C2CD5: variants seen among roughly 807,000 people sequenced by gnomAD.
C2CD5 encodes the protein C2 domain-containing protein 5.
C2CD5 carries 109 observed loss-of-function variants against 130.3 expected under a neutral mutation model. That is an observed-to-expected ratio of 0.84 (90% confidence interval 0.72 to 0.98). The LOEUF is 0.98. Among genes scored for constraint, C2CD5 ranks in the 50% least tolerant of loss-of-function variants. The probability of loss-of-function intolerance (pLI) is 0.00; values close to 1 mark genes in which losing one functional copy is unlikely to be tolerated. For synonymous variants in C2CD5, 454 were observed against 429.2 expected, an observed-to-expected ratio of 1.06 and a Z score of -0.71; for missense variants, 996 against 1,261.8, an observed-to-expected ratio of 0.79 and a Z score of 3.19.
intron 4 of C2CD5, 74 bp downstream of exon 4, chr12:22,527,647 T>A (rs879010973): frequency 1.1e-6 from 1 of 901,458 alleles, no homozygotes; most frequent in Non-Finnish European, 1.6e-6. Context: ...CCAGCAAATA[T>A]AGCACAAATG....
chr12:22,454,594 A>C, intron 25 of C2CD5, among the ~76,000 whole-genome samples: 1 of 150,242 alleles, frequency 6.7e-6, no homozygotes, highest in African/African-American at 2.5e-5. Context: ...TTCAGAGAAC[A>C]ACTCATTCAC....
chr12:22,505,689 A>G lies in C2CD5; in HGVS notation c.1147+1022T>C, dbSNP rs544999982. ...TTCATCATGCTTATTTTAGACGTAGAAAAATCACCAGAGGATTTCTGATCA... is the reference window on the plus strand; with the variant it reads ...TTCATCATGCTTATTTTAGACGTAGGAAAATCACCAGAGGATTTCTGATCA... On this transcript the variant is annotated intron_variant, in intron 10 of 26. Coordinates refer to ENST00000446597, the MANE Select transcript of C2CD5 (RefSeq NM_001286176.2). Among the ~76,000 whole-genome samples the G allele has an allele frequency of 4.0e-4, 61 of 152,328 alleles. 1 individual carries two copies. In the South Asian group the frequency reaches 0.01, roughly 25 times the overall value.
chr12:22,488,159 C>T lies in C2CD5; in HGVS notation c.1358+1964G>A, dbSNP rs138251920. ...GGTATACATATGTAACAAACCTGCA[C>T]GTTGTGCACATGTACCCTAAAACTT... On this transcript the variant is annotated intron_variant, in intron 12 of 26. Transcript: ENST00000446597. Among the ~76,000 whole-genome samples the T allele has an allele frequency of 9.2e-3, 1,398 of 151,784 alleles. 10 individuals are homozygous for T. The highest frequency in any genetic ancestry group is 0.013 in the Non-Finnish European group (880 of 67,934).
chr12:22,524,966 T>A (rs1950600196), intron 5 of C2CD5, among the ~76,000 whole-genome samples: 1 of 151,886 alleles, frequency 6.6e-6, no homozygotes, highest in African/African-American at 2.4e-5. Context: ...AATTATTATA[T>A]AAATAGGTAG....
rs189451736 is a variant in C2CD5, at chr12:22,512,791, T to C, written c.1038+503A>G. On this transcript the variant is annotated intron_variant, in intron 9 of 26. Transcript: ENST00000446597. ...ATATAGCTAAATCTCAAACTTACAA[T>C]AACTGAAATAGATGCATTATACTGA... 9.6e-5 allele frequency: 64 copies of C among 668,722 alleles called. No homozygotes were observed. The East Asian group carries it at 1.8e-3, about 19-fold the overall frequency. The allele number at this position is 668,722 out of a possible 1,614,324, so 41.4% of individuals were successfully genotyped here.
At chr12:22,509,669 A>G (rs1025249707) in intron 9 of C2CD5, among the ~76,000 whole-genome samples, 1 of 152,190 alleles carries the variant, frequency 6.6e-6, no homozygotes, top group Non-Finnish European at 1.5e-5. Flanking sequence ...CACCACCATA[A>G]CTAGCAACTA....
intron 13 of C2CD5, among the ~76,000 whole-genome samples, chr12:22,483,998 TG>T (rs1296118219): frequency 6.6e-6 from 1 of 152,060 alleles, no homozygotes; most frequent in African/African-American, 2.4e-5. Flanking sequence ...CTATATAAGT[TG>T]ATGAGTTCAA....
intron 7 of C2CD5, chr12:22,519,110 C>T (rs1358579809): frequency 3.9e-6 from 6 of 1,534,442 alleles, no homozygotes; most frequent in African/African-American, 1.4e-5. Context: ...TGAGCAGTCT[C>T]GTACCAGTAT....
At chr12:22,466,332 A>T (rs1942069844) in intron 22 of C2CD5, among the ~76,000 whole-genome samples, 1 of 151,980 alleles carries the variant, frequency 6.6e-6, no homozygotes, top group South Asian at 2.1e-4. Context: ...CACCTTATTT[A>T]ACTTAACAAA....
At chr12:22,540,651 G>A (rs1285014877) in intron 2 of C2CD5, among the ~76,000 whole-genome samples, 1 of 152,202 alleles carries the variant, frequency 6.6e-6, no homozygotes, top group African/African-American at 2.4e-5. Context: ...CTGAGGTCAG[G>A]AGTTCAAGAC....
chr12:22,455,495 C>T (rs2135978475), intron 25 of C2CD5, among the ~76,000 whole-genome samples: 1 of 152,214 alleles, frequency 6.6e-6, no homozygotes, highest in East Asian at 1.9e-4. Context: ...AGTGTAATAT[C>T]CATGTGCTAC....
intron 12 of C2CD5, among the ~76,000 whole-genome samples, 180 bp downstream of exon 12, chr12:22,489,943 G>T (rs961248519): frequency 2.0e-5 from 3 of 152,116 alleles, no homozygotes; most frequent in Admixed American, 1.3e-4. Flanking sequence ...ATATAGTGCA[G>T]AATCCAATAC....
At chr12:22,540,183 C>T (rs1952221966) in intron 2 of C2CD5, among the ~76,000 whole-genome samples, 1 of 152,182 alleles carries the variant, frequency 6.6e-6, no homozygotes, top group African/African-American at 2.4e-5. Context: ...CAATGAAGAT[C>T]TGAGATGCCA....
At chr12:22,521,295 T>C (rs1400569830) in intron 7 of C2CD5, among the ~76,000 whole-genome samples, 1 of 152,196 alleles carries the variant, frequency 6.6e-6, no homozygotes, top group Non-Finnish European at 1.5e-5. Flanking sequence ...TAAGATGCCT[T>C]TTAGAAAATC....
intron 2 of C2CD5, 33 bp from the exon 3 acceptor site, chr12:22,535,377 A>C (rs752263311): frequency 5.3e-6 from 6 of 1,133,054 alleles, no homozygotes; most frequent in South Asian, 5.1e-5. Flanking sequence ...TCACATATGA[A>C]TATCAAAAAT....
intron 10 of C2CD5, among the ~76,000 whole-genome samples, chr12:22,498,430 C>T (rs1947329288): frequency 6.6e-6 from 1 of 152,134 alleles, no homozygotes; most frequent in African/African-American, 2.4e-5. Flanking sequence ...GCAGACTGAT[C>T]TGTACATTCT....
At chr12:22,521,466 T>C (rs931802181) in intron 7 of C2CD5, among the ~76,000 whole-genome samples, 1 of 152,192 alleles carries the variant, frequency 6.6e-6, no homozygotes, top group Admixed American at 6.5e-5. Context: ...CAACAGGTAA[T>C]ATAGCTTTGT....
intron 22 of C2CD5, among the ~76,000 whole-genome samples, chr12:22,461,384 C>A (rs1024691562): frequency 2.0e-5 from 3 of 152,094 alleles, no homozygotes; most frequent in Admixed American, 2.0e-4. Flanking sequence ...AAACGAAAAT[C>A]TTTTCTATAC....
At chr12:22,463,679 A>C (rs1442662950) in intron 22 of C2CD5, 1 of 152,192 alleles carries the variant, frequency 6.6e-6, no homozygotes, top group Non-Finnish European at 1.5e-5. Flanking sequence ...TACAGGAATA[A>C]ATTTCTACAC....
Sources: allele counts gnomAD v4.1 joint callset (sites outside exome capture counted in the v4.1 genomes callset), GRCh38; gene constraint gnomAD v4.1.1; transcripts MANE v1.5; gene names NCBI Gene and HGNC (gene_info 2026-07-23, HGNC 2026-07-21).